The following LPIN2 variants were observed in gnomAD, a reference collection of about 807,000 sequenced individuals.
The protein encoded by LPIN2 is lipin 2.
Under a neutral mutation model 111.4 loss-of-function variants are expected in LPIN2, and 55 were observed. That is an observed-to-expected ratio of 0.49 (90% CI 0.40 to 0.62). The LOEUF (loss-of-function observed/expected upper bound fraction) is 0.62, where lower values mean the gene tolerates loss of function less well. Ranked by LOEUF, LPIN2 falls within the 20% of genes least tolerant of loss-of-function variation. The pLI, the probability that LPIN2 is intolerant of heterozygous loss-of-function variation, is 0.00. For missense variants in LPIN2, 992 were observed against 1,112.1 expected, an observed-to-expected ratio of 0.89 and a Z score of 1.54; for synonymous variants, 425 against 414.0, an observed-to-expected ratio of 1.03 and a Z score of -0.32.
At chr18:2,941,135 G>A (rs2077362099) in intron 4 of LPIN2, among the ~76,000 whole-genome samples, 1 of 152,186 alleles carries the variant, frequency 6.6e-6, no homozygotes, top group Non-Finnish European at 1.5e-5. Context: ...TTCAAAACAA[G>A]TAAGCCCTTA....
At chr18:2,976,871 G>C (rs2078027065) in intron 1 of LPIN2, among the ~76,000 whole-genome samples, 2 of 152,168 alleles carry the variant, frequency 1.3e-5, no homozygotes, top group Non-Finnish European at 2.9e-5. Context: ...TGGATCCACA[G>C]ATATACATCC....
At chr18:3,000,987 G>GGA (rs1185665592) in intron 1 of LPIN2, among the ~76,000 whole-genome samples, 4 of 149,692 alleles carry the variant, frequency 2.7e-5, no homozygotes, top group Middle Eastern at 3.4e-3. Context: ...GGAGAGGGAG[G>GGA]GAGAGAGAGA....
intron 6 of LPIN2, among the ~76,000 whole-genome samples, chr18:2,938,760 C>T (rs1443507208): frequency 3.9e-5 from 6 of 152,230 alleles, no homozygotes; most frequent in Admixed American, 2.0e-4. Context: ...CTAAATTCAA[C>T]AGAAGATCTA....
At chr18:2,970,027 G>C (rs2077880656) in intron 1 of LPIN2, among the ~76,000 whole-genome samples, 1 of 152,180 alleles carries the variant, frequency 6.6e-6, no homozygotes, top group African/African-American at 2.4e-5. Flanking sequence ...TTAAATTCTA[G>C]AACTGGCAGT....
At position 2,997,036 on chromosome 18, in the gene LPIN2, C is replaced by T. The variant is rs1461281926; in HGVS notation, c.-10+16051G>A. Among the ~76,000 whole-genome samples the T allele has an allele frequency of 4.6e-5, 7 of 151,294 alleles. No homozygotes were observed. The East Asian group carries it at 7.8e-4, about 17-fold the overall frequency. On this transcript the variant is annotated intron_variant, in intron 1 of 19. Coordinates refer to ENST00000677752, the MANE Select transcript of LPIN2 (RefSeq NM_001375808.2). ...TCACTCCCTCACCCAGGCTGGAGTG[C>T]GGTGGCGTGATCTCGGCTCATTGCA...
intron 1 of LPIN2, among the ~76,000 whole-genome samples, chr18:3,007,573 G>C (rs1048907828): frequency 5.3e-5 from 8 of 152,332 alleles, no homozygotes; most frequent in Middle Eastern, 3.4e-3. Context: ...AAATAACACA[G>C]CCTCCTAAAA....
chr18:2,991,048 C>T, intron 1 of LPIN2: 2 of 566,096 alleles, frequency 3.5e-6, no homozygotes, highest in Non-Finnish European at 6.9e-6. Flanking sequence ...CATGATGGTG[C>T]CCACTTGGCC....
Position 2,922,031 on chromosome 18 carries a change from C to T in LPIN2, c.2327+16G>A. ...TGCTGGGGCGGTGGGCAGAGGGCTGCCTGCCGGAGAGGTACCTGTGGAAGG... is the reference window on the plus strand; with the variant it reads ...TGCTGGGGCGGTGGGCAGAGGGCTGTCTGCCGGAGAGGTACCTGTGGAAGG... On this transcript the variant is annotated intron_variant, in intron 17 of 19. Coordinates refer to ENST00000677752, the MANE Select transcript of LPIN2 (RefSeq NM_001375808.2). The T allele has an allele frequency of 1.2e-6, 2 of 1,608,796 alleles. No homozygotes were observed. The highest frequency in any genetic ancestry group is 1.7e-6 in the Non-Finnish European group (2 of 1,176,812).
intron 1 of LPIN2, among the ~76,000 whole-genome samples, chr18:2,991,382 T>C (rs929424815): frequency 6.6e-6 from 1 of 152,188 alleles, no homozygotes; most frequent in African/African-American, 2.4e-5. Flanking sequence ...GAATGTCAAA[T>C]GGTGTAACCA....
intron 1 of LPIN2, among the ~76,000 whole-genome samples, chr18:2,962,124 A>G (rs866443232): frequency 6.6e-6 from 1 of 152,214 alleles, no homozygotes; most frequent in South Asian, 2.1e-4. Context: ...CTCTTCACAG[A>G]TGAGTGGCCA....
Position 2,958,151 on chromosome 18 carries a change from A to C in LPIN2, c.192+2498T>G, listed in dbSNP as rs1341978745. Among the ~76,000 whole-genome samples, 791 of 121,334 alleles carry C rather than the reference A, an allele frequency of 6.5e-3. 57 individuals carry two copies. Among genetic ancestry groups the C allele is most frequent in the African/African-American group, 0.023 (722 of 31,518 alleles). 79.6% of individuals were successfully genotyped at this position (121,334 alleles called of 152,430 possible). A position where few individuals can be genotyped will look rare whatever the true frequency, so the allele number is the denominator to read the frequency against. On this transcript the variant is annotated intron_variant, in intron 2 of 19. Coordinates refer to ENST00000677752, the MANE Select transcript of LPIN2 (RefSeq NM_001375808.2). ...AGCGAGACTCCATCTCAAAAAAAAAAAAAAAACAACAAAAAAAAAAAACAG... is the reference window on the plus strand; with the variant it reads ...AGCGAGACTCCATCTCAAAAAAAAACAAAAAACAACAAAAAAAAAAAACAG...
At chr18:2,923,953 T>C (rs2077094012) in intron 15 of LPIN2, 92 bp from the exon 16 acceptor site, 2 of 998,998 alleles carry the variant, frequency 2.0e-6, no homozygotes, top group Admixed American at 1.7e-5. Context: ...CAATAACTAA[T>C]TGGTGGCGGG....
At chr18:2,958,034 C>T (rs936545830) in intron 2 of LPIN2, among the ~76,000 whole-genome samples, 4 of 150,146 alleles carry the variant, frequency 2.7e-5, no homozygotes, top group Admixed American at 6.6e-5. Flanking sequence ...CCCAGCTACT[C>T]GGGAGGCTGA....
chr18:3,009,947 T>C (rs967860566), intron 1 of LPIN2, among the ~76,000 whole-genome samples: 1 of 146,474 alleles, frequency 6.8e-6, no homozygotes, highest in Non-Finnish European at 1.6e-5. Context: ...TCCCAACAGA[T>C]TTTTTTTTCT....
chr18:2,955,171 T>C (rs1270778143), intron 2 of LPIN2, among the ~76,000 whole-genome samples: 2 of 152,170 alleles, frequency 1.3e-5, no homozygotes, highest in Non-Finnish European at 2.9e-5. Flanking sequence ...GGTAGACATA[T>C]GCGTTGGGCC....
At chr18:2,990,844 C>G (rs1045729923) in intron 1 of LPIN2, 1 of 431,424 alleles carries the variant, frequency 2.3e-6, no homozygotes, top group South Asian at 1.8e-5. Context: ...CTCTGTTCCC[C>G]GCCGGCAGGG....
chr18:2,945,520 G>T, intron 4 of LPIN2: 2 of 1,127,164 alleles, frequency 1.8e-6, no homozygotes, highest in Non-Finnish European at 2.7e-6. Flanking sequence ...TCTGAAATAC[G>T]TAATAGCCTT....
Position 2,997,051 on chromosome 18 carries a change from G to A in LPIN2, c.-10+16036C>T, listed in dbSNP as rs1365541319. On this transcript the variant is annotated intron_variant, in intron 1 of 19. Transcript: ENST00000677752. ...GGCTGGAGTGCGGTGGCGTGATCTC[G>A]GCTCATTGCAACCTCCACCTCCCGG... 2.6e-5 allele frequency among the ~76,000 whole-genome samples: 4 copies of A among 151,136 alleles called. No individual in the cohort carries two copies. In the East Asian group the frequency reaches 5.9e-4, roughly 22 times the overall value.
chr18:2,927,692 C>T, intron 12 of LPIN2, 30 bp downstream of exon 12: 1 of 1,605,768 alleles, frequency 6.2e-7, no homozygotes, highest in Non-Finnish European at 8.5e-7. Context: ...TCTTTCAGCC[C>T]ACGGAAACAA....
Sources: allele counts gnomAD v4.1 joint callset (sites outside exome capture counted in the v4.1 genomes callset), GRCh38; gene constraint gnomAD v4.1.1; transcripts MANE v1.5; gene names NCBI Gene and HGNC (gene_info 2026-07-23, HGNC 2026-07-21).